The following ZNF345 variants were observed in gnomAD, a reference collection of about 807,000 sequenced individuals.
ZNF345 encodes the protein zinc finger protein 345.
For missense variants in ZNF345, 527 were observed against 589.9 expected, an observed-to-expected ratio of 0.89 and a Z score of 1.10; for synonymous variants, 166 against 187.9, an observed-to-expected ratio of 0.88 and a Z score of 0.95.
At chr19:36,892,297 A>C (rs2073063695) in intron 3 of ZNF345, 3 of 1,613,876 alleles carry the variant, frequency 1.9e-6, no homozygotes, top group Non-Finnish European at 2.5e-6. Context: ...GTTTTGATTA[A>C]AGGTCTTTCC....
At chr19:36,855,208 T>C (rs1234712050) in intron 2 of ZNF345, among the ~76,000 whole-genome samples, 1 of 144,588 alleles carries the variant, frequency 6.9e-6, no homozygotes, top group African/African-American at 2.6e-5. Flanking sequence ...AGTGGCGCCA[T>C]CTCAGCTCAC....
At chr19:36,861,930 C>T (rs113731420) in intron 2 of ZNF345, among the ~76,000 whole-genome samples, 2,559 of 149,838 alleles carry the variant, frequency 0.017, 81 homozygotes, top group African/African-American at 0.06. Context: ...GGCATGACCT[C>T]GGCTCACTGT....
At chr19:36,886,741 A>T (rs540832148) in intron 3 of ZNF345, among the ~76,000 whole-genome samples, 12 of 151,842 alleles carry the variant, frequency 7.9e-5, no homozygotes, top group African/African-American at 2.9e-4. Flanking sequence ...TAATCCCAGC[A>T]CTTTGGGAGG....
At chr19:36,853,376 G>T (rs981094320) in intron 2 of ZNF345, among the ~76,000 whole-genome samples, 2 of 151,268 alleles carry the variant, frequency 1.3e-5, no homozygotes, top group African/African-American at 2.4e-5. Context: ...AGCCTCCCAA[G>T]TAGCTGGGAT....
Position 36,885,906 on chromosome 19 carries a change from C to T in ZNF345, c.47-6912C>T, listed in dbSNP as rs531678918. The stretch of plus-strand genomic sequence containing the variant: ...CCCCCAGTTATATTCCAATTCTACC[C>T]GCCTCTCATCACCTTTCCTGATACC... On this transcript the variant is annotated intron_variant, in intron 3 of 3. Coordinates refer to the ZNF345 transcript ENST00000526123. Among the ~76,000 whole-genome samples, 8 of 152,174 alleles carry T rather than the reference C, an allele frequency of 5.3e-5. No homozygotes were observed. The South Asian group carries it at 1.2e-3, about 24-fold the overall frequency.
intron 3 of ZNF345, chr19:36,891,376 G>T: frequency 9.2e-7 from 1 of 1,087,712 alleles, no homozygotes; most frequent in Non-Finnish European, 1.3e-6. Context: ...TTATCGTATC[G>T]TTTAAAAACG....
intron 3 of ZNF345, among the ~76,000 whole-genome samples, chr19:36,887,321 A>T (rs1308455504): frequency 6.7e-6 from 1 of 149,076 alleles, no homozygotes; most frequent in Non-Finnish European, 1.5e-5. Context: ...AGAAAAGCTT[A>T]AAAACCTAAG....
chr19:36,877,006 A>T lies in ZNF345; in HGVS notation c.176A>T (p.Glu59Val). The change falls in exon 3 of 3, where the codon GAG becomes GTG. Residue 59 changes from glutamate to valine, a missense_variant. By Grantham distance (121) the Glu-to-Val change is moderately radical. Coordinates refer to ENST00000420450, the MANE Select transcript of ZNF345 (RefSeq NM_001242472.2). ...SIQHQRIHTDEKLLECKECGK... is the reference protein window; with the variant it reads ...SIQHQRIHTDVKLLECKECGK... ...CAGCATCAGAGAATTCATACTGATGAGAAACTCCTTGAATGTAAGGAATGT... is the reference window on the plus strand; with the variant it reads ...CAGCATCAGAGAATTCATACTGATGTGAAACTCCTTGAATGTAAGGAATGT... The T allele has an allele frequency of 6.2e-7, 1 of 1,614,178 alleles. No homozygotes were observed. The highest frequency in any genetic ancestry group is 1.3e-5 in the African/African-American group (1 of 75,070).
intron 3 of ZNF345, chr19:36,888,012 G>A (rs184774215): frequency 6.6e-6 from 1 of 152,002 alleles, no homozygotes; most frequent in Admixed American, 6.5e-5. Context: ...CAAAAGATTA[G>A]GAAAAGTTAC....
At position 36,877,527 on chromosome 19, in the gene ZNF345, A is replaced by G; in HGVS notation, c.697A>G (p.Lys233Glu). The change falls in exon 3 of 3, where the codon AAA becomes GAA. Residue 233 changes from lysine (K) to glutamate (E), a missense_variant. By Grantham distance (56) the Lys-to-Glu change is moderately conservative. Transcript: ENST00000420450. Reference sequence around the variant, plus strand: ...TACTGGTGAGAAACCTTATGAATGCAAAGCATGTGGAATGGCCTTTAGCAG... The same window carrying G: ...TACTGGTGAGAAACCTTATGAATGCGAAGCATGTGGAATGGCCTTTAGCAG... ...IHTGEKPYEC[K>E]ACGMAFSSGS... 1 of 1,614,218 alleles carries G rather than the reference A, an allele frequency of 6.2e-7. No homozygotes were observed. The highest frequency in any genetic ancestry group is 8.5e-7 in the Non-Finnish European group (1 of 1,180,024).
intron 2 of ZNF345, among the ~76,000 whole-genome samples, chr19:36,852,275 A>G (rs1226988075): frequency 6.6e-6 from 1 of 151,362 alleles, no homozygotes; most frequent in Non-Finnish European, 1.5e-5. Flanking sequence ...ATATTTTGGT[A>G]CACATTTGCT....
chr19:36,892,794 A>C, intron 3 of ZNF345: 1 of 568,926 alleles, frequency 1.8e-6, no homozygotes, highest in East Asian at 3.4e-5. Flanking sequence ...TAAAAAAAAA[A>C]AATTTTTTTT....
chr19:36,868,470 C>CA (rs2072707579), intron 2 of ZNF345, among the ~76,000 whole-genome samples: 1 of 152,084 alleles, frequency 6.6e-6, no homozygotes, highest in African/African-American at 2.4e-5. Context: ...CATTAGTTTA[C>CA]AAGGCTGTTC....
chr19:36,857,779 T>C (rs955080939), intron 2 of ZNF345, among the ~76,000 whole-genome samples: 3 of 152,132 alleles, frequency 2.0e-5, no homozygotes, highest in African/African-American at 7.2e-5. Context: ...AGCTATTCTT[T>C]TTTTGTTTGT....
rs760092361 is a variant in ZNF345 at position 36,876,808 on chromosome 19, A to T, written c.-23A>T. The T allele has an allele frequency of 6.4e-7, 1 of 1,552,650 alleles. No individual in the cohort carries two copies. The highest frequency in any genetic ancestry group is 8.7e-7 in the Non-Finnish European group (1 of 1,154,616). The stretch of plus-strand genomic sequence containing the variant: ...AGACTATGAATCAAAGTTGAGACCA[A>T]GAAATTATTTCTGAAAAAGGATATG... On this transcript the variant is annotated 5_prime_UTR_variant, in exon 3 of 3. The change creates a new upstream start codon in the 5' untranslated region. Coordinates refer to ENST00000420450, the MANE Select transcript of ZNF345 (RefSeq NM_001242472.2).
intron 3 of ZNF345, among the ~76,000 whole-genome samples, chr19:36,886,871 G>C (rs1354596023): frequency 1.3e-5 from 2 of 151,502 alleles, no homozygotes. Context: ...GTGGGCGCCT[G>C]TAATCCCAGC....
Position 36,876,814 on chromosome 19 carries a change from T to TTG in ZNF345, c.-17_-16insTG. On this transcript the variant is annotated 5_prime_UTR_variant, in exon 3 of 3. Coordinates refer to ENST00000420450, the MANE Select transcript of ZNF345 (RefSeq NM_001242472.2). Reference sequence around the variant, plus strand: ...TGAATCAAAGTTGAGACCAAGAAATTATTTCTGAAAAAGGATATGGAAAAC... The same window carrying TTG: ...TGAATCAAAGTTGAGACCAAGAAATTTGATTTCTGAAAAAGGATATGGAAAAC... 1 of 1,556,040 alleles carries TTG rather than the reference T, an allele frequency of 6.4e-7. No homozygotes were observed. Among genetic ancestry groups the TTG allele is most frequent in the South Asian group, 1.2e-5 (1 of 80,846 alleles).
chr19:36,875,827 A>G (rs1240296945), intron 2 of ZNF345, among the ~76,000 whole-genome samples: 1 of 152,210 alleles, frequency 6.6e-6, no homozygotes, highest in Non-Finnish European at 1.5e-5. Flanking sequence ...CTTAGATAGT[A>G]TCTTTAAATC....
chr19:36,865,607 T>G (rs1439064396), intron 2 of ZNF345, among the ~76,000 whole-genome samples: 1 of 152,124 alleles, frequency 6.6e-6, no homozygotes, highest in Non-Finnish European at 1.5e-5. Context: ...ACTATAGATA[T>G]GTGCCACCAC....
Sources: allele counts gnomAD v4.1 joint callset (sites outside exome capture counted in the v4.1 genomes callset), GRCh38; gene constraint gnomAD v4.1.1; transcripts MANE v1.5; gene names NCBI Gene and HGNC (gene_info 2026-07-23, HGNC 2026-07-21).